Variants in ZNF487 observed in about 807,000 individuals in gnomAD.
The protein encoded by ZNF487 is zinc finger protein 487, also known as KRAB domain only 1.
In ZNF487, 4 loss-of-function variants were observed where a neutral mutation model predicts 3.0. That is an observed-to-expected ratio of 1.35 (90% CI 0.66 to 3.08). ZNF487 has a LOEUF of 3.08. Among genes scored for constraint, ZNF487 ranks in the 30% most tolerant of loss-of-function variants. The pLI is 0.01. For missense variants in ZNF487, 146 were observed against 98.7 expected (o/e 1.48, Z -2.03); for synonymous variants, 55 against 34.6 (o/e 1.59, Z -2.06).
chr10:43,461,006 T>A (rs910645914), intron 1 of ZNF487, among the ~76,000 whole-genome samples: 1 of 146,610 alleles, frequency 6.8e-6, no homozygotes, highest in Non-Finnish European at 1.5e-5. Flanking sequence ...TTCTAATATC[T>A]TAATTTTTTT....
intron 1 of ZNF487, among the ~76,000 whole-genome samples, chr10:43,438,757 C>T (rs1028069624): frequency 6.6e-6 from 1 of 152,062 alleles, no homozygotes; most frequent in Non-Finnish European, 1.5e-5. Flanking sequence ...CAAAATGTGT[C>T]ATATACAATA....
intron 1 of ZNF487, among the ~76,000 whole-genome samples, chr10:43,473,203 G>A (rs1336008357): frequency 1.3e-5 from 2 of 150,766 alleles, no homozygotes; most frequent in Non-Finnish European, 3.0e-5. Flanking sequence ...TGCCTCCCGG[G>A]TTCAAGCAAT....
chr10:43,458,065 AAG>A (rs1554797309), intron 1 of ZNF487: 5 of 151,616 alleles, frequency 3.3e-5, no homozygotes, highest in African/African-American at 4.8e-5. Flanking sequence ...AACAAAAAAA[AAG>A]AGTTACAGCT....
chr10:43,485,933 C>T (rs905359339), downstream of ZNF487, among the ~76,000 whole-genome samples: 9 of 152,008 alleles, frequency 5.9e-5, no homozygotes, highest in East Asian at 5.8e-4. Flanking sequence ...ATAGACAGTT[C>T]GCAGTTACAC....
chr10:43,471,314 C>T (rs1250236986), intron 1 of ZNF487, among the ~76,000 whole-genome samples: 2 of 152,168 alleles, frequency 1.3e-5, no homozygotes. Flanking sequence ...CTTGCTCGCA[C>T]ACTTGGATGG....
intron 1 of ZNF487, among the ~76,000 whole-genome samples, chr10:43,466,054 G>A (rs935785578): frequency 2.0e-5 from 3 of 152,196 alleles, no homozygotes; most frequent in Non-Finnish European, 4.4e-5. Flanking sequence ...CAGGCGTGGC[G>A]GTGCGCGCCT....
intron 1 of ZNF487, among the ~76,000 whole-genome samples, chr10:43,442,268 C>A (rs11238546): frequency 0.14 from 18,715 of 132,910 alleles, 1,545 homozygotes; most frequent in African/African-American, 0.24. Flanking sequence ...ACAACAACAA[C>A]AAAAAAAAAA....
downstream of ZNF487, among the ~76,000 whole-genome samples, chr10:43,487,929 C>CAAAAAAAAAAAAAAAAAAAAAA (rs76705594): frequency 9.9e-5 from 4 of 40,446 alleles, no homozygotes; most frequent in East Asian, 8.9e-4. Context: ...TACCAAAATA[C>CAAAAAAAAAAAAAAAAAAAAAA]AAAAAAAAAA....
intron 1 of ZNF487, among the ~76,000 whole-genome samples, chr10:43,470,300 G>A (rs1335313428): frequency 6.6e-6 from 1 of 151,240 alleles, no homozygotes; most frequent in African/African-American, 2.4e-5. Context: ...TTAGCCTTGA[G>A]CTCCCTGGGC....
At position 43,481,660 on chromosome 10, in the gene ZNF487, G is replaced by A; in HGVS notation, c.362G>A (p.Ser121Asn). ...NISELIISNR[S>N]SFVRNPAECN... The stretch of plus-strand genomic sequence containing the variant: ...TCAGAATTAATTATTAGTAATAGAA[G>A]CTCCTTTGTAAGGAACCCTGCTGAG... The change falls in exon 4 of 4, where the codon AGC becomes AAC. Residue 121 changes from serine to asparagine, a missense_variant. By Grantham distance (46) the Ser-to-Asn change is conservative (BLOSUM62 1). Coordinates refer to ENST00000437590, the MANE Select transcript of ZNF487 (RefSeq NM_001355444.3). The A allele has an allele frequency of 1.5e-6, 1 of 686,290 alleles. No individual in the cohort carries two copies. Among genetic ancestry groups the A allele is most frequent in the Non-Finnish European group, 2.7e-6 (1 of 372,978 alleles). 42.5% of individuals were successfully genotyped at this position (686,290 alleles called of 1,614,324 possible).
intron 1 of ZNF487, among the ~76,000 whole-genome samples, chr10:43,445,412 T>C (rs1839761658): frequency 6.6e-6 from 1 of 152,200 alleles, no homozygotes; most frequent in African/African-American, 2.4e-5. Context: ...TTGTGAATTT[T>C]ACTTTTTGGA....
chr10:43,463,402 G>C (rs995412273), intron 1 of ZNF487, among the ~76,000 whole-genome samples: 1 of 151,802 alleles, frequency 6.6e-6, no homozygotes, highest in Non-Finnish European at 1.5e-5. Flanking sequence ...GCCAGGCGTG[G>C]TGGTGCACAC....
At chr10:43,487,433 C>T (rs1183479982), downstream of ZNF487, among the ~76,000 whole-genome samples, 1 of 151,448 alleles carries the variant, frequency 6.6e-6, no homozygotes, top group Non-Finnish European at 1.5e-5. Context: ...GCCACCGTGC[C>T]CGGCCCAGAA....
chr10:43,489,573 C>T, the ZNF487 span, among the ~76,000 whole-genome samples: 952 of 152,138 alleles, frequency 6.3e-3, 9 homozygotes, highest in African/African-American at 0.018. Flanking sequence ...AAGCTGATCT[C>T]GAACTCCTGA....
At chr10:43,493,329 C>T in the ZNF487 span, among the ~76,000 whole-genome samples, 2 of 152,200 alleles carry the variant, frequency 1.3e-5, no homozygotes, top group South Asian at 4.1e-4. Flanking sequence ...TCCGCATTTC[C>T]TTTACCACCC....
chr10:43,478,086 T>C (rs1411755275), intron 3 of ZNF487, among the ~76,000 whole-genome samples: 1 of 152,144 alleles, frequency 6.6e-6, no homozygotes, highest in Non-Finnish European at 1.5e-5. Context: ...CTAAACCATC[T>C]TATTAAAAGA....
At chr10:43,451,394 C>G (rs764255345) in intron 1 of ZNF487, among the ~76,000 whole-genome samples, 65 of 144,080 alleles carry the variant, frequency 4.5e-4, no homozygotes, top group East Asian at 2.1e-3. Flanking sequence ...TACAGGTGTG[C>G]GCCACCAGGC....
chr10:43,438,769 A>G (rs1839473532), intron 1 of ZNF487, among the ~76,000 whole-genome samples: 1 of 152,122 alleles, frequency 6.6e-6, no homozygotes, highest in Non-Finnish European at 1.5e-5. Flanking sequence ...TATACAATAG[A>G]ATATCATTCA....
At chr10:43,466,145 C>T (rs1292029563) in intron 1 of ZNF487, among the ~76,000 whole-genome samples, 3 of 68,782 alleles carry the variant, frequency 4.4e-5, no homozygotes, top group Admixed American at 3.0e-4. Context: ...GCAGTACAGT[C>T]CAGCTTCGGC....
Sources: gnomAD v4.1 joint callset for allele counts (sites outside exome capture counted in the v4.1 genomes callset) on GRCh38, gnomAD v4.1.1 for gene constraint, MANE v1.5 for transcripts, NCBI Gene and HGNC (gene_info 2026-07-23, HGNC 2026-07-21) for gene names.